Variants in PRKAG2 observed in about 807,000 individuals in gnomAD.
The protein encoded by PRKAG2 is protein kinase AMP-activated non-catalytic subunit gamma 2.
In PRKAG2, 26 loss-of-function variants were observed where a neutral mutation model predicts 69.6. The observed-to-expected ratio is 0.37, with a 90% CI of 0.27 to 0.52. PRKAG2 has a LOEUF of 0.52. PRKAG2 is among the 20% of genes least tolerant of loss of function. PRKAG2 has a pLI of 0.90. For missense variants in PRKAG2, 557 were observed against 740.0 expected, an observed-to-expected ratio of 0.75 and a Z score of 2.87; for synonymous variants, 293 against 285.0, an observed-to-expected ratio of 1.03 and a Z score of -0.28.
At chr7:151,716,456 T>A (rs1320041454) in intron 3 of PRKAG2, among the ~76,000 whole-genome samples, 1 of 152,180 alleles carries the variant, frequency 6.6e-6, no homozygotes, top group Non-Finnish European at 1.5e-5. Flanking sequence ...GCCCACCTTG[T>A]CCAGGCAGGG....
In PRKAG2 at chr7:151,572,584, C is replaced by G. The variant is rs1373129709; in HGVS notation, c.1051+80G>C. On this transcript the variant is annotated intron_variant, in intron 9 of 15. Coordinates refer to ENST00000287878, the MANE Select transcript of PRKAG2 (RefSeq NM_016203.4). ...TTTTATGGAGCAGAGAGAAAAGGAT[C>G]TGCAAAATGAAAACATACTTTTCAT... 1.7e-4 allele frequency: 174 copies of G among 1,039,412 alleles called. No homozygotes were observed. The East Asian group carries it at 4.1e-3, about 24-fold the overall frequency. The allele number at this position is 1,039,412 out of a possible 1,614,324, so 64.4% of individuals were successfully genotyped here.
chr7:151,733,371 C>T (rs1295211051), intron 3 of PRKAG2, among the ~76,000 whole-genome samples: 1 of 152,204 alleles, frequency 6.6e-6, no homozygotes, highest in Admixed American at 6.5e-5. Flanking sequence ...CATCTGCATC[C>T]AGGCTCTTAC....
At chr7:151,736,242 G>A in intron 3 of PRKAG2, 1 of 1,356,708 alleles carries the variant, frequency 7.4e-7, no homozygotes, top group Admixed American at 3.0e-5. Flanking sequence ...CGTCCTGACG[G>A]GGCTGCACCT....
chr7:151,809,241 C>A (rs1387727220), intron 1 of PRKAG2: 1 of 456,584 alleles, frequency 2.2e-6, no homozygotes, highest in East Asian at 6.9e-5. Context: ...ATTCTGCTTT[C>A]AAAACAGGTG....
At chr7:151,696,854 G>A (rs926059258) in intron 3 of PRKAG2, among the ~76,000 whole-genome samples, 1 of 152,210 alleles carries the variant, frequency 6.6e-6, no homozygotes, top group African/African-American at 2.4e-5. Flanking sequence ...CTCTGGCTGG[G>A]AGGGGCCCTG....
At chr7:151,591,477 G>C (rs958102336) in intron 6 of PRKAG2, among the ~76,000 whole-genome samples, 5 of 152,162 alleles carry the variant, frequency 3.3e-5, no homozygotes, top group Non-Finnish European at 5.9e-5. Flanking sequence ...GAGCATGAGG[G>C]ACAGACCCCG....
Position 151,557,244 on chromosome 7 carries a change from T to C in PRKAG2, c.1679-12A>G. 2.5e-6 allele frequency: 4 copies of C among 1,614,014 alleles called. No individual in the cohort carries two copies. The highest frequency in any genetic ancestry group is 2.2e-5 in the East Asian group (1 of 44,864). ...CTTTTGTTTGGCACCTGTCAGTGGATGGAAGATGAAAGTTTCAAAGCTCAT... is the reference window on the plus strand; with the variant it reads ...CTTTTGTTTGGCACCTGTCAGTGGACGGAAGATGAAAGTTTCAAAGCTCAT... On this transcript the variant is annotated splice_polypyrimidine_tract_variant and intron_variant, in intron 15 of 15. Transcript: ENST00000287878.
chr7:151,623,928 T>C (rs1330583446), intron 5 of PRKAG2, among the ~76,000 whole-genome samples: 26 of 152,150 alleles, frequency 1.7e-4, no homozygotes, highest in Admixed American at 1.7e-3. Flanking sequence ...GAGGAGGTCT[T>C]GACGGAACAA....
At chr7:151,565,690 T>G in intron 12 of PRKAG2, 30 bp downstream of exon 12, 1 of 1,599,824 alleles carries the variant, frequency 6.3e-7, no homozygotes, top group Non-Finnish European at 8.6e-7. Context: ...TAAACAATTA[T>G]TTCTGCCTGT....
At chr7:151,782,819 G>A (rs2076788057) in intron 2 of PRKAG2, among the ~76,000 whole-genome samples, 1 of 152,216 alleles carries the variant, frequency 6.6e-6, no homozygotes, top group African/African-American at 2.4e-5. Flanking sequence ...GTGGTAAACA[G>A]CTCTTGTCCT....
chr7:151,818,344 T>C (rs1047466921), intron 1 of PRKAG2, among the ~76,000 whole-genome samples: 1 of 150,660 alleles, frequency 6.6e-6, no homozygotes. Flanking sequence ...GTTAGATTTC[T>C]CAGCATCCCA....
intron 6 of PRKAG2, among the ~76,000 whole-genome samples, chr7:151,580,130 G>A (rs963303394): frequency 6.6e-6 from 1 of 152,122 alleles, no homozygotes; most frequent in East Asian, 1.9e-4. Context: ...GATCACTTGA[G>A]GTCAGGAGTT....
chr7:151,618,750 G>A (rs1243286709), intron 5 of PRKAG2, among the ~76,000 whole-genome samples: 1 of 152,200 alleles, frequency 6.6e-6, no homozygotes, highest in Admixed American at 6.5e-5. Context: ...GGACGACAGA[G>A]AGAGATTCCG....
intron 3 of PRKAG2, among the ~76,000 whole-genome samples, chr7:151,744,776 C>T (rs2074160750): frequency 6.6e-6 from 1 of 152,122 alleles, no homozygotes; most frequent in South Asian, 2.1e-4. Context: ...GGGAGCACCG[C>T]GCAGGCAGAA....
At chr7:151,573,848 G>C (rs56394887) in intron 8 of PRKAG2, among the ~76,000 whole-genome samples, 1 of 152,042 alleles carries the variant, frequency 6.6e-6, no homozygotes, top group Non-Finnish European at 1.5e-5. Context: ...GCGCGATCTC[G>C]GCTCACTGCA....
At chr7:151,716,711 GGACCAGT>G (rs1427551279) in intron 3 of PRKAG2, among the ~76,000 whole-genome samples, 1 of 152,176 alleles carries the variant, frequency 6.6e-6, no homozygotes, top group East Asian at 1.9e-4. Flanking sequence ...CAAAGAACGG[GGACCAGT>G]GAAATTAGCA....
chr7:151,839,352 G>A (rs2079222930), intron 1 of PRKAG2, among the ~76,000 whole-genome samples: 1 of 152,176 alleles, frequency 6.6e-6, no homozygotes, highest in Admixed American at 6.5e-5. Flanking sequence ...CTCTCGTGCT[G>A]GTTTGCAGCT....
intron 5 of PRKAG2, among the ~76,000 whole-genome samples, chr7:151,623,802 A>AG (rs1026433810): frequency 2.6e-5 from 4 of 152,052 alleles, no homozygotes; most frequent in Admixed American, 1.3e-4. Context: ...CATTAAAAAA[A>AG]GGGGGGTTAC....
At chr7:151,813,355 A>C (rs2078519447) in intron 1 of PRKAG2, among the ~76,000 whole-genome samples, 1 of 152,004 alleles carries the variant, frequency 6.6e-6, no homozygotes, top group Non-Finnish European at 1.5e-5. Flanking sequence ...GAAAATTCAG[A>C]TGCACAGAAT....
Sources: gnomAD v4.1 joint callset for allele counts (sites outside exome capture counted in the v4.1 genomes callset) on GRCh38, gnomAD v4.1.1 for gene constraint, MANE v1.5 for transcripts, NCBI Gene and HGNC (gene_info 2026-07-23, HGNC 2026-07-21) for gene names.